The following FRY variants were observed in gnomAD, a reference collection of about 807,000 sequenced individuals.
The protein encoded by FRY is protein furry homolog.
Under a neutral mutation model 348.4 loss-of-function variants are expected in FRY, and 128 were observed. The ratio of observed to expected loss-of-function variants is 0.37; its 90% CI spans 0.32 to 0.43. FRY has a LOEUF of 0.43. Ranked by LOEUF, FRY falls within the 20% of genes least tolerant of loss-of-function variation. The pLI is 1.00. For synonymous variants in FRY, 1,370 were observed against 1,374.7 expected (o/e 1.00, Z 0.08); for missense variants, 2,736 against 3,695.2 (o/e 0.74, Z 6.73).
At chr13:32,209,130 CT>C in intron 32 of FRY, 21 bp downstream of exon 32, 1 of 1,613,692 alleles carries the variant, frequency 6.2e-7, no homozygotes, top group Non-Finnish European at 8.5e-7. Flanking sequence ...AGGAATTGTG[CT>C]TCAAATAGCA....
At chr13:32,172,632 G>C (rs931580201) in intron 18 of FRY, among the ~76,000 whole-genome samples, 9 of 152,198 alleles carry the variant, frequency 5.9e-5, no homozygotes, top group Non-Finnish European at 1.2e-4. Context: ...GGCTGGAGAA[G>C]AGTGTAACTG....
At chr13:32,274,567 G>A (rs1008318111) in intron 55 of FRY, among the ~76,000 whole-genome samples, 24 of 151,766 alleles carry the variant, frequency 1.6e-4, no homozygotes, top group East Asian at 5.8e-4. Context: ...AGCCAGGCGT[G>A]GTGGCAGGCA....
intron 1 of FRY, among the ~76,000 whole-genome samples, chr13:32,039,621 T>C (rs1345769538): frequency 6.6e-6 from 1 of 152,210 alleles, no homozygotes; most frequent in Non-Finnish European, 1.5e-5. Context: ...CACAGGCATT[T>C]AAATGTTAGT....
At chr13:32,182,039 A>G (rs1488429274) in intron 23 of FRY, among the ~76,000 whole-genome samples, 1 of 152,182 alleles carries the variant, frequency 6.6e-6, no homozygotes, top group Non-Finnish European at 1.5e-5. Context: ...TCGATATGGA[A>G]TGTCATAGAG....
chr13:32,203,092 T>C (rs968104976), intron 31 of FRY, among the ~76,000 whole-genome samples: 2 of 152,198 alleles, frequency 1.3e-5, no homozygotes, highest in African/African-American at 4.8e-5. Flanking sequence ...AGTGTAGGCA[T>C]AAACATACAT....
chr13:32,294,552 G>C lies in FRY; in HGVS notation c.8765G>C (p.Arg2922Pro), dbSNP rs147607259. The change falls in exon 60 of 61, where the codon CGG (arginine) becomes CCG (proline). Residue 2922 changes from arginine (R) to proline (P), a missense_variant. Transcript: ENST00000542859. Reference sequence around the variant, plus strand: ...AACAACGAACTCGGCAAAGCTTTGCGGCAGATCAGGGAGTGCAGGTGACTC... The same window carrying C: ...AACAACGAACTCGGCAAAGCTTTGCCGCAGATCAGGGAGTGCAGGTGACTC... ...LKNNELGKALRQIRECRSLWP... is the reference protein window; with the variant it reads ...LKNNELGKALPQIRECRSLWP... 6.2e-7 allele frequency: 1 copy of C among 1,613,840 alleles called. No individual in the cohort carries two copies. Among genetic ancestry groups the C allele is most frequent in the East Asian group, 2.2e-5 (1 of 44,884 alleles).
At chr13:32,140,359 T>C (rs1205568842) in intron 11 of FRY, among the ~76,000 whole-genome samples, 2 of 152,204 alleles carry the variant, frequency 1.3e-5, no homozygotes, top group African/African-American at 2.4e-5. Flanking sequence ...AGTTTCAAAG[T>C]TGGAGAAACC....
At chr13:32,147,813 T>G in intron 12 of FRY, 26 bp from the exon 13 acceptor site, 1 of 1,308,096 alleles carries the variant, frequency 7.6e-7, no homozygotes, top group Non-Finnish European at 1.1e-6. Context: ...TCTTGCTTGT[T>G]TTCTCTTTTC....
chr13:32,278,699 C>T, intron 58 of FRY, 151 bp downstream of exon 58: 1 of 747,522 alleles, frequency 1.3e-6, no homozygotes, highest in Non-Finnish European at 2.5e-6. Flanking sequence ...AGACAGAATG[C>T]CTTCCAGCAT....
intron 35 of FRY, among the ~76,000 whole-genome samples, chr13:32,215,211 T>A (rs566921366): frequency 3.2e-4 from 49 of 151,820 alleles, no homozygotes; most frequent in East Asian, 2.9e-3. Context: ...TCAATTTTTT[T>A]AAAAAAAAGC....
chr13:32,103,391 C>A lies in FRY; in HGVS notation c.324+1375C>A, dbSNP rs1877293567. 2.0e-5 allele frequency among the ~76,000 whole-genome samples: 3 copies of A among 152,240 alleles called. No individual in the cohort carries two copies. The South Asian group carries it at 6.2e-4, about 32-fold the overall frequency. The stretch of plus-strand genomic sequence containing the variant: ...TTTTAAGAATAAATATCATTCTCAG[C>A]AAACTATCACAAGGACAAAAAACCA... On this transcript the variant is annotated intron_variant, in intron 3 of 60. Coordinates refer to ENST00000542859, the MANE Select transcript of FRY (RefSeq NM_023037.3).
At chr13:32,107,123 G>A (rs778404037) in intron 3 of FRY, among the ~76,000 whole-genome samples, 14 of 152,206 alleles carry the variant, frequency 9.2e-5, no homozygotes, top group Admixed American at 2.0e-4. Context: ...TTGGGAGGCC[G>A]AGGCGGGTGG....
rs114364450 is a variant in FRY at position 32,207,832 on chromosome 13, G to T, written c.4019-1021G>T. 6.1e-3 allele frequency among the ~76,000 whole-genome samples: 931 copies of T among 152,222 alleles called. 14 individuals carry two copies. The highest frequency in any genetic ancestry group is 0.022 in the African/African-American group (893 of 41,524). On this transcript the variant is annotated intron_variant, in intron 31 of 60. Coordinates refer to ENST00000542859, the MANE Select transcript of FRY (RefSeq NM_023037.3). ...CCTGGCATCTGTGTTCTATTATTTAGCAGCCATGAGCCCTCTAAGCGAGAT... is the reference window on the plus strand; with the variant it reads ...CCTGGCATCTGTGTTCTATTATTTATCAGCCATGAGCCCTCTAAGCGAGAT...
In FRY at chr13:32,275,541, C is replaced by T. The variant is rs1269813657; in HGVS notation, c.8286+550C>T. On this transcript the variant is annotated intron_variant, in intron 56 of 60. Transcript: ENST00000542859. ...TAAGGAGAAAAATCCACCACCTCTG[C>T]TCCGTCTGCATCGTTGGCACTGATC... Among the ~76,000 whole-genome samples, 5 of 152,314 alleles carry T rather than the reference C, an allele frequency of 3.3e-5. No individual in the cohort carries two copies. The East Asian group carries it at 7.7e-4, about 24-fold the overall frequency.
In FRY at chr13:32,225,990, T is replaced by TA; in HGVS notation, c.5206+16_5206+17insA. On this transcript the variant is annotated intron_variant, in intron 39 of 60. Coordinates refer to ENST00000542859, the MANE Select transcript of FRY (RefSeq NM_023037.3). Reference sequence around the variant, plus strand: ...CTCTATACAGGTAACAGAGAAGGACTGGTAGAGAGCCTAGGACAGTTACAA... The same window carrying TA: ...CTCTATACAGGTAACAGAGAAGGACTAGGTAGAGAGCCTAGGACAGTTACAA... The TA allele has an allele frequency of 6.2e-7, 1 of 1,610,624 alleles. No individual in the cohort carries two copies. The highest frequency in any genetic ancestry group is 1.1e-5 in the South Asian group (1 of 90,994).
intron 2 of FRY, among the ~76,000 whole-genome samples, chr13:32,083,138 C>A (rs1056972151): frequency 6.6e-6 from 1 of 152,098 alleles, no homozygotes. Context: ...TATTCCACCT[C>A]TTTGTCTCTT....
intron 55 of FRY, among the ~76,000 whole-genome samples, chr13:32,271,723 C>G (rs1022632471): frequency 6.6e-6 from 1 of 152,216 alleles, no homozygotes; most frequent in Non-Finnish European, 1.5e-5. Context: ...TGACCCCTTC[C>G]CCTGAGAGGG....
intron 2 of FRY, among the ~76,000 whole-genome samples, chr13:32,093,350 A>G (rs1876461465): frequency 6.6e-6 from 1 of 152,174 alleles, no homozygotes; most frequent in South Asian, 2.1e-4. Context: ...TAAGGTCCAC[A>G]CATTGCAGTA....
intron 11 of FRY, among the ~76,000 whole-genome samples, chr13:32,142,162 T>A (rs1171950120): frequency 1.3e-5 from 2 of 152,296 alleles, no homozygotes; most frequent in Admixed American, 1.3e-4. Flanking sequence ...AGTGCTGTCT[T>A]CAAGTAGAGT....
Sources: allele counts gnomAD v4.1 joint callset (sites outside exome capture counted in the v4.1 genomes callset), GRCh38; gene constraint gnomAD v4.1.1; transcripts MANE v1.5; gene names NCBI Gene and HGNC (gene_info 2026-07-23, HGNC 2026-07-21).